Variants in CLVS1 observed in about 807,000 individuals in gnomAD.
CLVS1 encodes clavesin 1.
In CLVS1, 10 loss-of-function variants were observed where a neutral mutation model predicts 33.1. The ratio of observed to expected loss-of-function variants is 0.30; its 90% CI spans 0.19 to 0.51. The LOEUF (loss-of-function observed/expected upper bound fraction) is 0.51, where lower values mean the gene tolerates loss of function less well. Ranked by LOEUF, CLVS1 falls within the 20% of genes least tolerant of loss-of-function variation. The pLI is 0.97. For synonymous variants in CLVS1, 163 were observed against 166.1 expected (o/e 0.98, Z 0.14); for missense variants, 343 against 433.4 (o/e 0.79, Z 1.85).
intron 2 of CLVS1, among the ~76,000 whole-genome samples, chr8:61,368,597 C>A (rs1413222774): frequency 6.6e-6 from 1 of 152,164 alleles, no homozygotes; most frequent in African/African-American, 2.4e-5. Flanking sequence ...GCTAGAGAGA[C>A]ACACATTTGC....
chr8:61,171,825 C>T (rs376720931), intron 2 of CLVS1, among the ~76,000 whole-genome samples: 19 of 152,014 alleles, frequency 1.2e-4, no homozygotes, highest in African/African-American at 2.4e-4. Context: ...ACGATATGGA[C>T]GAGAAATACT....
At chr8:61,402,125 T>G (rs1410128571) in intron 3 of CLVS1, among the ~76,000 whole-genome samples, 1 of 152,136 alleles carries the variant, frequency 6.6e-6, no homozygotes, top group Non-Finnish European at 1.5e-5. Context: ...ATGTTTTAAT[T>G]AAGCATACAT....
intron 2 of CLVS1, among the ~76,000 whole-genome samples, chr8:61,183,442 G>A (rs1363216707): frequency 1.3e-5 from 2 of 152,082 alleles, no homozygotes; most frequent in Admixed American, 6.5e-5. Context: ...AATTTGTCCT[G>A]AGTTTCCTGT....
the CLVS1 span, among the ~76,000 whole-genome samples, chr8:61,035,930 A>C: frequency 1.3e-5 from 2 of 152,186 alleles, no homozygotes; most frequent in South Asian, 2.1e-4. Flanking sequence ...TTTTGCGTGC[A>C]CCTGATGCAT....
At chr8:61,451,438 G>T (rs1322514615) in intron 3 of CLVS1, among the ~76,000 whole-genome samples, 1 of 152,110 alleles carries the variant, frequency 6.6e-6, no homozygotes, top group Non-Finnish European at 1.5e-5. Context: ...AATTTAAAAT[G>T]ATGTTATATT....
At chr8:61,230,853 T>G (rs1808416199) in intron 2 of CLVS1, among the ~76,000 whole-genome samples, 1 of 152,170 alleles carries the variant, frequency 6.6e-6, no homozygotes, top group African/African-American at 2.4e-5. Flanking sequence ...TGGTGTCTGG[T>G]GAGGGCCTGC....
At chr8:61,251,975 CT>C (rs1170745280) in intron 2 of CLVS1, among the ~76,000 whole-genome samples, 1 of 151,998 alleles carries the variant, frequency 6.6e-6, no homozygotes, top group African/African-American at 2.4e-5. Flanking sequence ...AATTTGTTTG[CT>C]GTTGCTTCTC....
At chr8:61,263,543 A>G (rs1188044454) in intron 2 of CLVS1, among the ~76,000 whole-genome samples, 3 of 152,196 alleles carry the variant, frequency 2.0e-5, no homozygotes, top group Non-Finnish European at 4.4e-5. Flanking sequence ...CTGAGATTCA[A>G]CAGTATCAAC....
chr8:61,441,607 A>G (rs1198608980), intron 3 of CLVS1, among the ~76,000 whole-genome samples: 1 of 152,182 alleles, frequency 6.6e-6, no homozygotes, highest in Non-Finnish European at 1.5e-5. Flanking sequence ...AGCATTACAA[A>G]TCTTAGAAAA....
intron 3 of CLVS1, among the ~76,000 whole-genome samples, chr8:61,432,047 A>G (rs535289357): frequency 6.6e-6 from 1 of 152,310 alleles, no homozygotes; most frequent in East Asian, 1.9e-4. Context: ...TGGCCAATGC[A>G]TATCTTTCAG....
At chr8:61,323,915 TAGTTTGCCAAGGATA>T (rs1811285638) in intron 2 of CLVS1, among the ~76,000 whole-genome samples, 1 of 152,158 alleles carries the variant, frequency 6.6e-6, no homozygotes, top group Non-Finnish European at 1.5e-5. Flanking sequence ...GTCCTTGTGT[TAGTTTGCCAAGGATA>T]ATGACCTCCA....
intron 2 of CLVS1, among the ~76,000 whole-genome samples, chr8:61,313,453 A>T (rs770178401): frequency 6.6e-6 from 1 of 152,222 alleles, no homozygotes; most frequent in Non-Finnish European, 1.5e-5. Flanking sequence ...AGTTCTGCTC[A>T]TCTTTCCAAG....
intron 2 of CLVS1, among the ~76,000 whole-genome samples, chr8:61,311,171 G>A (rs1001506652): frequency 6.6e-6 from 1 of 152,160 alleles, no homozygotes; most frequent in Non-Finnish European, 1.5e-5. Flanking sequence ...TCTGCTGTGT[G>A]CTTCTGAAAA....
chr8:61,376,445 T>A (rs1585882664), intron 2 of CLVS1, among the ~76,000 whole-genome samples, 160 bp from the exon 3 acceptor site: 1 of 152,162 alleles, frequency 6.6e-6, no homozygotes, highest in Non-Finnish European at 1.5e-5. Context: ...GCTGTGAAGT[T>A]TAGCAAATGT....
chr8:61,471,049 G>T (rs1287470600), intron 5 of CLVS1, among the ~76,000 whole-genome samples: 1 of 152,164 alleles, frequency 6.6e-6, no homozygotes, highest in African/African-American at 2.4e-5. Context: ...TCCTGATCTT[G>T]CTGGCTTGTT....
chr8:61,477,962 T>C (rs1373972167), intron 5 of CLVS1, among the ~76,000 whole-genome samples: 1 of 146,832 alleles, frequency 6.8e-6, no homozygotes, highest in Non-Finnish European at 1.5e-5. Flanking sequence ...CTCTACACAC[T>C]GCTTTGAATG....
chr8:60,980,981 C>T, the CLVS1 span, among the ~76,000 whole-genome samples: 11 of 152,102 alleles, frequency 7.2e-5, no homozygotes, highest in South Asian at 6.2e-4. Context: ...TGGAGTGACA[C>T]GGCCACAGGG....
chr8:61,105,416 A>G (rs562547669), intron 1 of CLVS1, among the ~76,000 whole-genome samples: 2 of 152,254 alleles, frequency 1.3e-5, no homozygotes, highest in African/African-American at 2.4e-5. Flanking sequence ...CATTTTTTCA[A>G]CCTATCAGAG....
chr8:61,074,199 G>A (rs1240112201), intron 1 of CLVS1, among the ~76,000 whole-genome samples: 4 of 150,436 alleles, frequency 2.7e-5, no homozygotes, highest in African/African-American at 7.3e-5. Context: ...TTAGCTGGGT[G>A]TGGTGGTGCA....
Sources: gnomAD v4.1 joint callset for allele counts (sites outside exome capture counted in the v4.1 genomes callset) on GRCh38, gnomAD v4.1.1 for gene constraint, MANE v1.5 for transcripts, NCBI Gene and HGNC (gene_info 2026-07-23, HGNC 2026-07-21) for gene names.